The following GPHN variants were observed in gnomAD, a reference collection of about 807,000 sequenced individuals.
The protein encoded by GPHN is gephyrin.
Under a neutral mutation model 95.5 loss-of-function variants are expected in GPHN, and 17 were observed. The ratio of observed to expected loss-of-function variants is 0.18; its 90% CI spans 0.12 to 0.27. The LOEUF (loss-of-function observed/expected upper bound fraction) is 0.27, where lower values mean the gene tolerates loss of function less well. GPHN is among the 10% of genes least tolerant of loss of function. GPHN has a pLI of 1.00. For missense variants in GPHN, 660 were observed against 978.1 expected (o/e 0.67, Z 4.34); for synonymous variants, 320 against 322.5 (o/e 0.99, Z 0.08).
chr14:66,973,845 T>C (rs1017118524), intron 9 of GPHN, among the ~76,000 whole-genome samples: 5 of 152,354 alleles, frequency 3.3e-5, no homozygotes, highest in South Asian at 4.1e-4. Context: ...TAGCTCATTT[T>C]TGAAATCAGT....
chr14:66,566,146 A>G (rs1329901470), intron 1 of GPHN, among the ~76,000 whole-genome samples: 3 of 151,904 alleles, frequency 2.0e-5, no homozygotes, highest in Non-Finnish European at 2.9e-5. Context: ...TCTCCCTACT[A>G]TTACCTTTTA....
chr14:66,702,931 A>C (rs2068698190), intron 2 of GPHN, among the ~76,000 whole-genome samples: 1 of 152,188 alleles, frequency 6.6e-6, no homozygotes, highest in African/African-American at 2.4e-5. Flanking sequence ...TAGAATAACC[A>C]ATTTAGAAAG....
chr14:67,363,675 A>G, the GPHN span, among the ~76,000 whole-genome samples: 1 of 152,188 alleles, frequency 6.6e-6, no homozygotes, highest in African/African-American at 2.4e-5. Flanking sequence ...TTGTACCACA[A>G]GGAGATAGGC....
the GPHN span, among the ~76,000 whole-genome samples, chr14:67,626,950 CAAAG>C: frequency 6.6e-6 from 1 of 152,132 alleles, no homozygotes; most frequent in South Asian, 2.1e-4. Context: ...CATGCTAAGT[CAAAG>C]AAGGCAGACA....
At chr14:67,460,146 T>C in the GPHN span, among the ~76,000 whole-genome samples, 1 of 152,164 alleles carries the variant, frequency 6.6e-6, no homozygotes, top group Non-Finnish European at 1.5e-5. Flanking sequence ...CATGTAGTAG[T>C]TCCCCATACC....
At chr14:67,724,495 T>C in the GPHN span, 9 of 1,613,252 alleles carry the variant, frequency 5.6e-6, no homozygotes, top group South Asian at 4.4e-5. Flanking sequence ...TGGTGGAGTG[T>C]GTAGAACAAA....
chr14:66,717,210 G>C (rs1001199559), intron 2 of GPHN, among the ~76,000 whole-genome samples: 1 of 152,004 alleles, frequency 6.6e-6, no homozygotes, highest in Non-Finnish European at 1.5e-5. Context: ...TTTTTTCTTT[G>C]TCTTTGTAGG....
At chr14:67,622,678 T>C in the GPHN span, among the ~76,000 whole-genome samples, 1 of 152,232 alleles carries the variant, frequency 6.6e-6, no homozygotes, top group African/African-American at 2.4e-5. Flanking sequence ...AAAAGAATCA[T>C]TTTACACTGA....
At chr14:67,626,029 A>C in the GPHN span, among the ~76,000 whole-genome samples, 1 of 152,088 alleles carries the variant, frequency 6.6e-6, no homozygotes, top group Non-Finnish European at 1.5e-5. Context: ...TGAGGCGGGC[A>C]GATCATTTCA....
At chr14:66,908,084 G>A (rs1336813876) in intron 5 of GPHN, among the ~76,000 whole-genome samples, 1 of 152,032 alleles carries the variant, frequency 6.6e-6, no homozygotes, top group Non-Finnish European at 1.5e-5. Context: ...TGTCAGCAGA[G>A]AGGGTCTAAA....
the GPHN span, among the ~76,000 whole-genome samples, chr14:67,603,509 A>T: frequency 6.6e-6 from 1 of 152,126 alleles, no homozygotes; most frequent in African/African-American, 2.4e-5. Flanking sequence ...CTTTTTAGAG[A>T]GAGGGTGTTG....
intron 5 of GPHN, among the ~76,000 whole-genome samples, chr14:66,904,352 G>A (rs897558965): frequency 6.6e-6 from 1 of 152,034 alleles, no homozygotes; most frequent in Admixed American, 6.6e-5. Flanking sequence ...CCATTTTACA[G>A]TGTGCTGATT....
At chr14:66,994,443 A>G (rs572985450) in intron 9 of GPHN, among the ~76,000 whole-genome samples, 2 of 152,244 alleles carry the variant, frequency 1.3e-5, no homozygotes, top group African/African-American at 2.4e-5. Context: ...TATTAATAAA[A>G]TCACCTGCAG....
chr14:66,584,497 C>G (rs2061339114), intron 1 of GPHN, among the ~76,000 whole-genome samples: 2 of 152,104 alleles, frequency 1.3e-5, no homozygotes. Context: ...CAGTTTCTGT[C>G]CATTCAGTAT....
chr14:67,276,400 C>A, the GPHN span, among the ~76,000 whole-genome samples: 1 of 152,134 alleles, frequency 6.6e-6, no homozygotes, highest in African/African-American at 2.4e-5. Context: ...TACTATCTGG[C>A]TAATTTTTAG....
chr14:66,687,778 T>C (rs1269310619), intron 2 of GPHN, among the ~76,000 whole-genome samples: 1 of 152,186 alleles, frequency 6.6e-6, no homozygotes, highest in Non-Finnish European at 1.5e-5. Context: ...CATGAGCCAC[T>C]GTGCCTGGCC....
At chr14:67,596,564 A>C in the GPHN span, among the ~76,000 whole-genome samples, 1 of 152,114 alleles carries the variant, frequency 6.6e-6, no homozygotes, top group Non-Finnish European at 1.5e-5. Context: ...TTGCACTGAC[A>C]AGATGCCCTC....
At chr14:67,277,454 G>GA in the GPHN span, among the ~76,000 whole-genome samples, 1 of 152,182 alleles carries the variant, frequency 6.6e-6, no homozygotes, top group Non-Finnish European at 1.5e-5. Flanking sequence ...AGATGTTTGA[G>GA]AAAAGATTGG....
chr14:67,258,135 C>G, the GPHN span, among the ~76,000 whole-genome samples: 1 of 151,774 alleles, frequency 6.6e-6, no homozygotes, highest in East Asian at 1.9e-4. Context: ...CTAATATGAG[C>G]ATACATAGAT....
Sources: gnomAD v4.1 joint callset for allele counts (sites outside exome capture counted in the v4.1 genomes callset) on GRCh38, gnomAD v4.1.1 for gene constraint, MANE v1.5 for transcripts, NCBI Gene and HGNC (gene_info 2026-07-23, HGNC 2026-07-21) for gene names.